EED: variants seen among roughly 807,000 people sequenced by gnomAD.
The protein encoded by EED is embryonic ectoderm development.
EED carries 9 observed loss-of-function variants against 61.0 expected under a neutral mutation model. The observed-to-expected ratio is 0.15, with a 90% CI of 0.09 to 0.26. The LOEUF is 0.26. EED is among the 10% of genes least tolerant of loss of function. The probability of loss-of-function intolerance (pLI) is 1.00; values close to 1 mark genes in which losing one functional copy is unlikely to be tolerated. For synonymous variants in EED, 187 were observed against 174.4 expected (o/e 1.07, Z -0.57); for missense variants, 315 against 542.3 (o/e 0.58, Z 4.16).
At position 86,266,153 on chromosome 11, in the gene EED, A is replaced by G. The variant is rs374311051; in HGVS notation, c.797A>G (p.Asn266Ser). 4.4e-6 allele frequency: 7 copies of G among 1,605,108 alleles called. No homozygotes were observed. In the African/African-American group the frequency reaches 5.4e-5, roughly 12 times the overall value. ...CATTCTCTTAAACTTTGGAGGATCA[A>G]TTCAAAGAGAATGATGAATGCAATT... ...MDHSLKLWRI[N>S]SKRMMNAIKE... Residue 266 changes from asparagine to serine, a missense_variant, in exon 8 of 12, where the codon AAT (asparagine) becomes AGT (serine). By Grantham distance (46) the Asn-to-Ser change is conservative. Transcript: ENST00000263360.
intron 8 of EED, chr11:86,267,766 A>ATTTTTTTTTTTTT (rs36185703): frequency 0.021 from 2,253 of 108,052 alleles, no homozygotes; most frequent in Non-Finnish European, 0.027. Context: ...TGCCTGGCTA[A>ATTTTTTTTTTTTT]TTTTTTTTTT....
In EED at chr11:86,245,348, G is replaced by A; in HGVS notation, c.114+5G>A. 6.2e-7 allele frequency: 1 copy of A among 1,606,990 alleles called. No individual in the cohort carries two copies. The highest frequency in any genetic ancestry group is 8.5e-7 in the Non-Finnish European group (1 of 1,174,886). ...GACCTCTCTGGAGACGAGAATGTAA[G>A]TGCAGCTTCTGGCAGTTACGAGACT... On this transcript the variant is annotated splice_donor_5th_base_variant and intron_variant, in intron 1 of 11. Transcript: ENST00000263360.
At chr11:86,275,895 A>G (rs370865048) in intron 9 of EED, among the ~76,000 whole-genome samples, 1 of 152,206 alleles carries the variant, frequency 6.6e-6, no homozygotes, top group African/African-American at 2.4e-5. Flanking sequence ...AAAGGTAGAG[A>G]AGAAAAATGT....
intron 7 of EED, chr11:86,265,411 G>A (rs1421646423): frequency 6.6e-6 from 1 of 152,124 alleles, no homozygotes; most frequent in Admixed American, 6.5e-5. Flanking sequence ...AGGTGTGTGA[G>A]ATTTTCATTA....
intron 7 of EED, 140 bp from the exon 8 acceptor site, chr11:86,265,943 G>A: frequency 1.7e-6 from 1 of 605,446 alleles, no homozygotes; most frequent in Non-Finnish European, 2.7e-6. Context: ...TCTGATTTAT[G>A]GCCTATTTAG....
chr11:86,244,947 C>T lies in EED; in HGVS notation c.-283C>T. 1 of 371,642 alleles carries T rather than the reference C, an allele frequency of 2.7e-6. No individual in the cohort carries two copies. The highest frequency in any genetic ancestry group is 5.0e-5 in the Admixed American group (1 of 19,918). 23.0% of individuals were successfully genotyped at this position (371,642 alleles called of 1,614,324 possible). ...TCCAACGGACCTTACATCGTGTAGACTGCCGGGAGGGCGGCGGGAAAAGGG... is the reference window on the plus strand; with the variant it reads ...TCCAACGGACCTTACATCGTGTAGATTGCCGGGAGGGCGGCGGGAAAAGGG... On this transcript the variant is annotated 5_prime_UTR_variant, in exon 1 of 12. Transcript: ENST00000263360.
chr11:86,254,237 T>C (rs78787872), intron 3 of EED, among the ~76,000 whole-genome samples: 4,736 of 151,862 alleles, frequency 0.031, 236 homozygotes, highest in African/African-American at 0.11. Flanking sequence ...ATTAAGCAAA[T>C]TGTAGACTTT....
intron 3 of EED, 32 bp downstream of exon 3, chr11:86,252,272 C>A: frequency 2.1e-6 from 3 of 1,458,608 alleles, no homozygotes; most frequent in South Asian, 1.3e-5. Context: ...TAGTATTTGG[C>A]TTGATTTCCA....
At chr11:86,257,882 CCTT>C (rs1304560149) in intron 6 of EED, among the ~76,000 whole-genome samples, 2 of 152,140 alleles carry the variant, frequency 1.3e-5, no homozygotes, top group Non-Finnish European at 2.9e-5. Context: ...ATTATGTAAT[CCTT>C]CTCATTTTTT....
intron 9 of EED, among the ~76,000 whole-genome samples, chr11:86,269,866 GT>G (rs1347887157): frequency 6.6e-6 from 1 of 152,120 alleles, no homozygotes; most frequent in Non-Finnish European, 1.5e-5. Context: ...GTATTCCATG[GT>G]ATGGATTACC....
At position 86,245,250 on chromosome 11, in the gene EED, G is replaced by T. The variant is rs1191418992; in HGVS notation, c.21G>T (p.Ser7=). The stretch of plus-strand genomic sequence containing the variant: ...GGAATATGTCCGAGAGGGAAGTGTC[G>T]ACTGCGCCGGCGGGAACAGACATGC... MSEREV[S]TAPAGTDMPA... Residue 7 remains serine (S), a synonymous_variant, in exon 1 of 12, where the codon TCG becomes TCT. Transcript: ENST00000263360. 1 of 1,613,358 alleles carries T rather than the reference G, an allele frequency of 6.2e-7. No individual in the cohort carries two copies. Among genetic ancestry groups the T allele is most frequent in the Admixed American group, 1.7e-5 (1 of 59,950 alleles).
At chr11:86,277,259 G>A in intron 10 of EED, 121 bp downstream of exon 10, 3 of 943,060 alleles carry the variant, frequency 3.2e-6, no homozygotes, top group Non-Finnish European at 4.5e-6. Flanking sequence ...GTTTTGTATT[G>A]ATTACTTTGC....
intron 2 of EED, 58 bp downstream of exon 2, chr11:86,250,506 G>A (rs1945502196): frequency 6.9e-7 from 1 of 1,442,554 alleles, no homozygotes. Flanking sequence ...TTATTTCTCT[G>A]TGGCACGCAT....
chr11:86,285,529 C>T, the EED span, among the ~76,000 whole-genome samples: 5,032 of 152,306 alleles, frequency 0.033, 266 homozygotes, highest in African/African-American at 0.11. Flanking sequence ...AATTTTGCTA[C>T]TTAATGCCAT....
At chr11:86,248,657 G>T (rs1945448973) in intron 1 of EED, among the ~76,000 whole-genome samples, 2 of 152,176 alleles carry the variant, frequency 1.3e-5, no homozygotes, top group South Asian at 4.1e-4. Context: ...CCCTTGAGTG[G>T]AAGGGAAGAC....
At position 86,245,019 on chromosome 11, in the gene EED, GGGCGC is replaced by G; in HGVS notation, c.-209_-205del. On this transcript the variant is annotated 5_prime_UTR_variant, in exon 1 of 12. Transcript: ENST00000263360. ...GAAGGAGCCAGGAAGCCGCGCGGGA[GGGCGC>G]GCGCGCGCGCCCCTTTTTCAGCAGT... The G allele has an allele frequency of 2.1e-6, 1 of 474,446 alleles. No homozygotes were observed. The highest frequency in any genetic ancestry group is 3.7e-6 in the Non-Finnish European group (1 of 267,482). 29.4% of individuals were successfully genotyped at this position (474,446 alleles called of 1,614,324 possible).
chr11:86,270,374 CTG>C (rs1328436103), intron 9 of EED, among the ~76,000 whole-genome samples: 4 of 119,034 alleles, frequency 3.4e-5, no homozygotes, highest in East Asian at 2.5e-4. Context: ...TTTTTTTTAA[CTG>C]TTGAGTTTTG....
Position 86,278,565 on chromosome 11 carries a change from C to T in EED, c.*40C>T. On this transcript the variant is annotated 3_prime_UTR_variant, in exon 12 of 12. Coordinates refer to ENST00000263360, the MANE Select transcript of EED (RefSeq NM_003797.5). Reference sequence around the variant, plus strand: ...ATCAAAATTAGAGTGTGTTTGTTGTCTGTGTAAAATAGAATTAATGTATCT... The same window carrying T: ...ATCAAAATTAGAGTGTGTTTGTTGTTTGTGTAAAATAGAATTAATGTATCT... The T allele has an allele frequency of 6.2e-7, 1 of 1,604,590 alleles. No homozygotes were observed. Among genetic ancestry groups the T allele is most frequent in the African/African-American group, 1.3e-5 (1 of 74,868 alleles).
In EED at chr11:86,245,294, A is replaced by G. The variant is rs775661038; in HGVS notation, c.65A>G (p.Lys22Arg). The G allele has an allele frequency of 1.7e-5, 27 of 1,613,454 alleles. No individual in the cohort carries two copies. The highest frequency in any genetic ancestry group is 1.7e-5 in the Non-Finnish European group (20 of 1,179,972). Residue 22 changes from lysine (K) to arginine (R), a missense_variant, in exon 1 of 12, where the codon AAG becomes AGG. Transcript: ENST00000263360. ...GACATGCCTGCGGCCAAGAAGCAGA[A>G]GCTGAGCAGTGACGAGAACAGCAAT... ...GTDMPAAKKQ[K>R]LSSDENSNPD...
Sources: allele counts gnomAD v4.1 joint callset (sites outside exome capture counted in the v4.1 genomes callset), GRCh38; gene constraint gnomAD v4.1.1; transcripts MANE v1.5; gene names NCBI Gene and HGNC (gene_info 2026-07-23, HGNC 2026-07-21).